The following SEPTIN7 variants were observed in gnomAD, a reference collection of about 807,000 sequenced individuals.
SEPTIN7 encodes the protein septin 7.
A neutral mutation model predicts 63.3 loss-of-function variants in SEPTIN7; 10 were observed. That is an observed-to-expected ratio of 0.16 (90% CI 0.10 to 0.27). The LOEUF (loss-of-function observed/expected upper bound fraction) is 0.27, where lower values mean the gene tolerates loss of function less well. Ranked by LOEUF, SEPTIN7 falls within the 10% of genes least tolerant of loss-of-function variation. The pLI is 1.00. For synonymous variants in SEPTIN7, 131 were observed against 165.3 expected (o/e 0.79, Z 1.59); for missense variants, 310 against 521.0 (o/e 0.59, Z 3.94).
At chr7:35,868,699 A>G (rs1304579691) in intron 4 of SEPTIN7, among the ~76,000 whole-genome samples, 1 of 152,200 alleles carries the variant, frequency 6.6e-6, no homozygotes, top group African/African-American at 2.4e-5. Flanking sequence ...GAGAATGGTT[A>G]TATCCTGTGG....
chr7:35,898,005 A>G (rs1376526420), intron 11 of SEPTIN7, among the ~76,000 whole-genome samples: 1 of 151,824 alleles, frequency 6.6e-6, no homozygotes, highest in Non-Finnish European at 1.5e-5. Flanking sequence ...TTTTCCTTCT[A>G]CAGTTTATTT....
chr7:35,907,864 C>T (rs937434989), downstream of SEPTIN7, among the ~76,000 whole-genome samples: 1 of 152,178 alleles, frequency 6.6e-6, no homozygotes, highest in Non-Finnish European at 1.5e-5. Flanking sequence ...CCATGCCTTC[C>T]TTGCTGGTTT....
chr7:35,902,199 T>A (rs1788362842), intron 12 of SEPTIN7: 1 of 151,938 alleles, frequency 6.6e-6, no homozygotes, highest in Non-Finnish European at 1.5e-5. Context: ...TTAATCTGAT[T>A]TTTAAAATTT....
chr7:35,890,088 G>T (rs935957101), intron 10 of SEPTIN7, among the ~76,000 whole-genome samples: 7 of 152,116 alleles, frequency 4.6e-5, no homozygotes, highest in Non-Finnish European at 1.0e-4. Flanking sequence ...CATATGTATT[G>T]TAGACTTATA....
At chr7:35,889,277 G>A (rs1787487875) in intron 10 of SEPTIN7, among the ~76,000 whole-genome samples, 1 of 152,170 alleles carries the variant, frequency 6.6e-6, no homozygotes, top group African/African-American at 2.4e-5. Context: ...AAGTGGAGTG[G>A]TAGAACTTCA....
Position 35,903,105 on chromosome 7 carries a change from G to A in SEPTIN7, c.1164G>A (p.Lys388=). 6.4e-7 allele frequency: 1 copy of A among 1,565,588 alleles called. No individual in the cohort carries two copies. ...AGCGGCGCCATGAGCAAATGAAAAA[G>A]AATTTGGAAGCACAGCACAAAGAAT... ...ELQRRHEQMK[K]NLEAQHKELE... is the part of the protein sequence containing the mutation. The change falls in exon 13 of 14, where the codon AAG becomes AAA. Residue 388 remains lysine (K), a synonymous_variant. Transcript: ENST00000350320.
chr7:35,823,606 G>T (rs1783347266), intron 1 of SEPTIN7, among the ~76,000 whole-genome samples: 1 of 151,994 alleles, frequency 6.6e-6, no homozygotes, highest in African/African-American at 2.4e-5. Context: ...TCTTGGTCTT[G>T]TACTTTTGTG....
At chr7:35,912,823 GTACT>G in the SEPTIN7 span, among the ~76,000 whole-genome samples, 2 of 152,244 alleles carry the variant, frequency 1.3e-5, no homozygotes, top group African/African-American at 2.4e-5. Flanking sequence ...ATTAATAATA[GTACT>G]TACTTTATGA....
chr7:35,814,388 C>T (rs1392380335), intron 1 of SEPTIN7, among the ~76,000 whole-genome samples: 1 of 152,126 alleles, frequency 6.6e-6, no homozygotes, highest in East Asian at 1.9e-4. Context: ...TGTTGAGGAT[C>T]TCCTGTGCTT....
chr7:35,885,792 GA>G, intron 9 of SEPTIN7, 35 bp from the exon 10 acceptor site: 2 of 1,527,514 alleles, frequency 1.3e-6, no homozygotes, highest in Non-Finnish European at 1.8e-6. Flanking sequence ...AGGTTTAGTG[GA>G]AATATAACAT....
intron 1 of SEPTIN7, among the ~76,000 whole-genome samples, chr7:35,816,158 A>C (rs1407535522): frequency 1.3e-5 from 2 of 152,198 alleles, no homozygotes; most frequent in African/African-American, 4.8e-5. Context: ...GGGTTGTGCA[A>C]CCATTGTCAC....
chr7:35,868,405 G>A (rs889565349), intron 4 of SEPTIN7, among the ~76,000 whole-genome samples: 7 of 152,106 alleles, frequency 4.6e-5, no homozygotes, highest in African/African-American at 1.7e-4. Flanking sequence ...AAGTTTTGGG[G>A]CTACAATGAT....
chr7:35,899,669 G>A (rs1437857832), intron 12 of SEPTIN7: 1 of 152,440 alleles, frequency 6.6e-6, no homozygotes, highest in Non-Finnish European at 1.5e-5. Context: ...GATTGCTTGA[G>A]TCCAGGAGTT....
chr7:35,823,725 C>G (rs1278667503), intron 1 of SEPTIN7, among the ~76,000 whole-genome samples: 1 of 152,182 alleles, frequency 6.6e-6, no homozygotes, highest in Admixed American at 6.5e-5. Flanking sequence ...GGGATACAGT[C>G]AAAGATTTAT....
At chr7:35,869,518 T>C (rs138583536) in intron 4 of SEPTIN7, among the ~76,000 whole-genome samples, 1 of 152,246 alleles carries the variant, frequency 6.6e-6, no homozygotes, top group Non-Finnish European at 1.5e-5. Flanking sequence ...AGAGGTAGGC[T>C]CTTGACAGAA....
chr7:35,889,227 G>A (rs1044382442), intron 10 of SEPTIN7, among the ~76,000 whole-genome samples: 2 of 152,194 alleles, frequency 1.3e-5, no homozygotes, highest in Admixed American at 6.5e-5. Flanking sequence ...AGTGTCAGCC[G>A]CCAGATATGC....
intron 1 of SEPTIN7, among the ~76,000 whole-genome samples, chr7:35,804,779 T>C (rs1788214554): frequency 6.6e-6 from 1 of 152,158 alleles, no homozygotes; most frequent in African/African-American, 2.4e-5. Context: ...TATAGCTTGT[T>C]ATTGTACTGA....
chr7:35,894,702 G>A (rs1787856766), intron 11 of SEPTIN7, among the ~76,000 whole-genome samples: 2 of 152,188 alleles, frequency 1.3e-5, no homozygotes, highest in East Asian at 3.9e-4. Context: ...AAATTCCTTT[G>A]GAAAATTTTG....
At chr7:35,902,611 T>TA (rs1446225092) in intron 12 of SEPTIN7, 1 of 152,346 alleles carries the variant, frequency 6.6e-6, no homozygotes, top group Admixed American at 6.5e-5. Context: ...TTTTCACTTG[T>TA]CTTAGCTTTC....
Sources: allele counts gnomAD v4.1 joint callset (sites outside exome capture counted in the v4.1 genomes callset), GRCh38; gene constraint gnomAD v4.1.1; transcripts MANE v1.5; gene names NCBI Gene and HGNC (gene_info 2026-07-23, HGNC 2026-07-21).